Variants in ACBD6 observed in about 807,000 individuals in gnomAD.
ACBD6 encodes acyl-CoA-binding domain-containing protein 6.
A neutral mutation model predicts 37.2 loss-of-function variants in ACBD6; 28 were observed. That is an observed-to-expected ratio of 0.75 (90% CI 0.56 to 1.03). The LOEUF (loss-of-function observed/expected upper bound fraction) is 1.03, where lower values mean the gene tolerates loss of function less well. Ranked by LOEUF, ACBD6 falls within the 50% of genes least tolerant of loss-of-function variation. The pLI, the probability that ACBD6 is intolerant of heterozygous loss-of-function variation, is 0.00. For synonymous variants in ACBD6, 113 were observed against 126.8 expected (o/e 0.89, Z 0.73); for missense variants, 340 against 337.4 (o/e 1.01, Z -0.06).
intron 4 of ACBD6, among the ~76,000 whole-genome samples, chr1:180,416,307 A>G (rs1648093125): frequency 1.3e-5 from 2 of 152,186 alleles, no homozygotes; most frequent in South Asian, 4.2e-4. Flanking sequence ...TCCCTCTACC[A>G]TTTTCTAAGA....
Position 180,502,034 on chromosome 1 carries a change from T to C in ACBD6, c.222+11A>G. 2.5e-6 allele frequency: 4 copies of C among 1,612,838 alleles called. No homozygotes were observed. Among genetic ancestry groups the C allele is most frequent in the Non-Finnish European group, 3.4e-6 (4 of 1,179,428 alleles). ...CTTTCTCCCCCATCCACCCTCTCCC[T>C]GCTACTTTACCTGTTTGTACCTGGC... On this transcript the variant is annotated intron_variant, in intron 1 of 7. Coordinates refer to ENST00000367595, the MANE Select transcript of ACBD6 (RefSeq NM_032360.4).
At chr1:180,500,675 C>T (rs1219876120) in intron 1 of ACBD6, among the ~76,000 whole-genome samples, 1 of 135,308 alleles carries the variant, frequency 7.4e-6, no homozygotes, top group Admixed American at 8.0e-5. Flanking sequence ...GCCTGGGCAA[C>T]AGGAGCAAAA....
At chr1:180,350,408 C>T (rs966326232) in intron 6 of ACBD6, among the ~76,000 whole-genome samples, 1 of 60,622 alleles carries the variant, frequency 1.6e-5, no homozygotes, top group African/African-American at 7.0e-5. Context: ...TTTGAGAAAT[C>T]GATCTATATT....
chr1:180,432,626 A>G (rs1648857642), intron 3 of ACBD6, among the ~76,000 whole-genome samples: 1 of 152,182 alleles, frequency 6.6e-6, no homozygotes, highest in Non-Finnish European at 1.5e-5. Flanking sequence ...TGATACACCC[A>G]TAAAATAGGA....
chr1:180,283,151 T>C lies in ACBD6; in HGVS notation c.*94-1765A>G, dbSNP rs1649365448. Among the ~76,000 whole-genome samples the C allele has an allele frequency of 3.9e-5, 6 of 152,158 alleles. No homozygotes were observed. The South Asian group carries it at 1.2e-3, about 32-fold the overall frequency. On this transcript the variant is annotated intron_variant, in intron 8 of 13. Transcript: ENST00000642319. ...TAAGCTTGTACTTTAAAAGAGCCTT[T>C]TATTACACAAAGTGTCCATCAACTG...
chr1:180,322,686 A>G lies in ACBD6; in HGVS notation c.664-7964T>C, dbSNP rs1251019172. 4.0e-5 allele frequency among the ~76,000 whole-genome samples: 6 copies of G among 150,470 alleles called. No homozygotes were observed. In the East Asian group the frequency reaches 1.2e-3, roughly 29 times the overall value. On this transcript the variant is annotated intron_variant, in intron 6 of 7. Coordinates refer to ENST00000367595, the MANE Select transcript of ACBD6 (RefSeq NM_032360.4). ...GTCACTTAATGATCCTTTGAATTTC[A>G]GTGGTATTGGCTGTAATGTCTACCT...
intron 3 of ACBD6, among the ~76,000 whole-genome samples, chr1:180,438,138 T>C (rs1458219659): frequency 1.3e-5 from 2 of 152,194 alleles, no homozygotes; most frequent in African/African-American, 2.4e-5. Flanking sequence ...GTGAGGGGTC[T>C]AGGTTACGCA....
chr1:180,309,929 T>C (rs1483387133), intron 7 of ACBD6, among the ~76,000 whole-genome samples: 3 of 152,062 alleles, frequency 2.0e-5, no homozygotes, highest in Non-Finnish European at 2.9e-5. Context: ...ATGACAGAAA[T>C]ACTATATAAA....
At chr1:180,476,001 C>T (rs1650765429) in intron 3 of ACBD6, among the ~76,000 whole-genome samples, 1 of 152,102 alleles carries the variant, frequency 6.6e-6, no homozygotes, top group Non-Finnish European at 1.5e-5. Context: ...AACGGGACAA[C>T]TGGAAGATAA....
chr1:180,288,761 T>A (rs1434672970), intron 7 of ACBD6, among the ~76,000 whole-genome samples: 1 of 152,114 alleles, frequency 6.6e-6, no homozygotes, highest in African/African-American at 2.4e-5. Flanking sequence ...AAATATATAT[T>A]CTAAATTGTG....
At chr1:180,335,573 A>C (rs1015000507) in intron 6 of ACBD6, among the ~76,000 whole-genome samples, 18 of 152,162 alleles carry the variant, frequency 1.2e-4, no homozygotes, top group Non-Finnish European at 2.2e-4. Flanking sequence ...AATTGTAAAG[A>C]CCATCGAGGC....
intron 3 of ACBD6, among the ~76,000 whole-genome samples, chr1:180,469,134 T>C (rs1003648098): frequency 2.0e-5 from 3 of 152,330 alleles, no homozygotes; most frequent in African/African-American, 4.8e-5. Flanking sequence ...AAATCTGTAA[T>C]AGCATCTTCT....
At chr1:180,305,014 A>G (rs1434769238) in intron 7 of ACBD6, among the ~76,000 whole-genome samples, 1 of 152,218 alleles carries the variant, frequency 6.6e-6, no homozygotes, top group Non-Finnish European at 1.5e-5. Context: ...AGGATTCCCT[A>G]TTTAATAAAT....
intron 7 of ACBD6, among the ~76,000 whole-genome samples, chr1:180,296,366 T>C (rs1649917541): frequency 1.3e-5 from 2 of 152,218 alleles, no homozygotes; most frequent in Non-Finnish European, 2.9e-5. Flanking sequence ...GAGAGCAAGT[T>C]ATCCAGAAGA....
chr1:180,299,354 T>C (rs1309382254), intron 7 of ACBD6, among the ~76,000 whole-genome samples: 1 of 152,024 alleles, frequency 6.6e-6, no homozygotes, highest in Non-Finnish European at 1.5e-5. Context: ...TGCTGGGAAA[T>C]ACAAAAACAG....
downstream of ACBD6, among the ~76,000 whole-genome samples, chr1:180,285,624 T>C (rs115849494): frequency 2.9e-3 from 435 of 152,286 alleles, no homozygotes; most frequent in African/African-American, 0.01. Flanking sequence ...GACGCTCAAC[T>C]CTTCTGCAAC....
chr1:180,404,317 ATTGTT>A (rs914443785), intron 5 of ACBD6, among the ~76,000 whole-genome samples: 7 of 151,998 alleles, frequency 4.6e-5, no homozygotes, highest in Admixed American at 6.6e-5. Context: ...ATGTGAATGT[ATTGTT>A]TTATTTATTC....
intron 6 of ACBD6, among the ~76,000 whole-genome samples, chr1:180,372,067 T>C (rs2877399): frequency 0.8 from 121,478 of 152,072 alleles, 49,238 homozygotes; most frequent in Non-Finnish European, 0.88. Flanking sequence ...TAAGTTACGA[T>C]GGTGATGATG....
chr1:180,298,178 A>G (rs1047208704), intron 7 of ACBD6, among the ~76,000 whole-genome samples: 1 of 152,278 alleles, frequency 6.6e-6, no homozygotes, highest in South Asian at 2.1e-4. Context: ...ACATTGCCTT[A>G]TATCAAGTAG....
Sources: gnomAD v4.1 joint callset for allele counts (sites outside exome capture counted in the v4.1 genomes callset) on GRCh38, gnomAD v4.1.1 for gene constraint, MANE v1.5 for transcripts, NCBI Gene and HGNC (gene_info 2026-07-23, HGNC 2026-07-21) for gene names.